Variants in RPA3 observed in about 807,000 individuals in gnomAD.
RPA3 encodes the protein replication protein A 14 kDa subunit.
A neutral mutation model predicts 13.7 loss-of-function variants in RPA3; 24 were observed. That is an observed-to-expected ratio of 1.75 (90% CI 1.27 to 2.46). The LOEUF is 2.46. Among genes scored for constraint, RPA3 ranks in the 30% most tolerant of loss-of-function variants. RPA3 has a pLI of 0.00. For synonymous variants in RPA3, 59 were observed against 51.2 expected, an observed-to-expected ratio of 1.15 and a Z score of -0.65; for missense variants, 183 against 151.0, an observed-to-expected ratio of 1.21 and a Z score of -1.11.
intron 5 of RPA3, 54 bp from the exon 6 acceptor site, chr7:7,639,198 T>C: frequency 3.0e-6 from 4 of 1,343,786 alleles, no homozygotes; most frequent in Non-Finnish European, 4.2e-6. Flanking sequence ...AAAGTTTGAC[T>C]AAAGATGAGT....
chr7:7,717,145 C>G (rs1780936075), intron 1 of RPA3, among the ~76,000 whole-genome samples: 1 of 151,050 alleles, frequency 6.6e-6, no homozygotes, highest in Non-Finnish European at 1.5e-5. Flanking sequence ...CAACCTCCGT[C>G]TCCCGGGTTC....
chr7:7,717,610 A>G (rs1288699977), intron 1 of RPA3, among the ~76,000 whole-genome samples: 1 of 152,236 alleles, frequency 6.6e-6, no homozygotes, highest in Admixed American at 6.5e-5. Context: ...TCTCAATCAC[A>G]TTGGCTAACA....
At chr7:7,714,854 T>C (rs2115174650) in intron 2 of RPA3, among the ~76,000 whole-genome samples, 2 of 129,454 alleles carry the variant, frequency 1.5e-5, no homozygotes, top group South Asian at 2.4e-4. Context: ...AAAATTTTTC[T>C]TTTTTTTTTT....
chr7:7,672,553 G>T (rs1437697479), intron 4 of RPA3, among the ~76,000 whole-genome samples: 1 of 152,166 alleles, frequency 6.6e-6, no homozygotes, highest in African/African-American at 2.4e-5. Context: ...GGCAGGACCA[G>T]GTGTAGATAA....
At chr7:7,684,721 A>G (rs943307722) in intron 4 of RPA3, among the ~76,000 whole-genome samples, 3 of 152,212 alleles carry the variant, frequency 2.0e-5, no homozygotes, top group African/African-American at 4.8e-5. Flanking sequence ...CCATAGTACA[A>G]CTATGAATTT....
Position 7,636,844 on chromosome 7 carries a change from C to G in RPA3, c.*156G>C. 1 of 629,010 alleles carries G rather than the reference C, an allele frequency of 1.6e-6. No homozygotes were observed. The highest frequency in any genetic ancestry group is 2.8e-6 in the Non-Finnish European group (1 of 354,940). 39.0% of individuals were successfully genotyped at this position (629,010 alleles called of 1,614,324 possible). ...ATAAAAGGACTTCGGTGAGAACTGT[C>G]AATATATCAGTTCCATCAAAAACTC... On this transcript the variant is annotated 3_prime_UTR_variant, in exon 8 of 8. Transcript: ENST00000223129.
intron 4 of RPA3, among the ~76,000 whole-genome samples, chr7:7,673,614 A>T (rs370529657): frequency 5.9e-5 from 9 of 152,218 alleles, no homozygotes; most frequent in African/African-American, 1.7e-4. Context: ...AAAGTCATCA[A>T]TTACTTGGAA....
chr7:7,665,921 T>C (rs79651949), intron 4 of RPA3, among the ~76,000 whole-genome samples: 3,999 of 152,118 alleles, frequency 0.026, 192 homozygotes, highest in African/African-American at 0.091. Context: ...TTTTTAAAAA[T>C]CCATTTACCT....
At chr7:7,664,994 GATATATAGAT>G (rs1294837012) in intron 4 of RPA3, among the ~76,000 whole-genome samples, 2 of 140,760 alleles carry the variant, frequency 1.4e-5, no homozygotes, top group African/African-American at 5.2e-5. Context: ...GTGTGTGGGT[GATATATAGAT>G]ATATATATAT....
At chr7:7,712,913 C>T (rs1454434526) in intron 2 of RPA3, among the ~76,000 whole-genome samples, 1 of 152,034 alleles carries the variant, frequency 6.6e-6, no homozygotes, top group Non-Finnish European at 1.5e-5. Context: ...TAGAATTCAC[C>T]TGTAAAAATT....
At chr7:7,679,735 C>G (rs1024722341) in intron 4 of RPA3, among the ~76,000 whole-genome samples, 2 of 142,980 alleles carry the variant, frequency 1.4e-5, no homozygotes, top group Non-Finnish European at 1.5e-5. Flanking sequence ...TATATATACA[C>G]ACACACATAT....
At chr7:7,645,441 T>C (rs955438740) in intron 4 of RPA3, among the ~76,000 whole-genome samples, 20 of 152,204 alleles carry the variant, frequency 1.3e-4, no homozygotes, top group African/African-American at 4.8e-4. Context: ...ACATTCAATA[T>C]CTAGTTCCAT....
chr7:7,717,524 G>T (rs1348290129), intron 1 of RPA3, among the ~76,000 whole-genome samples: 1 of 152,160 alleles, frequency 6.6e-6, no homozygotes, highest in Non-Finnish European at 1.5e-5. Flanking sequence ...TTGTTTTGAA[G>T]TAAAATGTTT....
At chr7:7,678,138 T>C (rs949369182) in intron 4 of RPA3, among the ~76,000 whole-genome samples, 3 of 21,540 alleles carry the variant, frequency 1.4e-4, no homozygotes, top group Non-Finnish European at 2.4e-4. Context: ...GTAGTTCTGT[T>C]TTTAGTTTTT....
chr7:7,672,004 A>C (rs1052188521), intron 4 of RPA3, among the ~76,000 whole-genome samples: 10 of 152,188 alleles, frequency 6.6e-5, no homozygotes, highest in South Asian at 6.2e-4. Flanking sequence ...CCATTCACTT[A>C]TGTTGGGGTT....
intron 2 of RPA3, among the ~76,000 whole-genome samples, chr7:7,699,165 A>T (rs1469062374): frequency 1.3e-5 from 2 of 151,960 alleles, no homozygotes; most frequent in Non-Finnish European, 2.9e-5. Flanking sequence ...GGTTCCCCCA[A>T]CTCTCAAGGG....
chr7:7,692,837 G>T (rs2115139462), intron 2 of RPA3, among the ~76,000 whole-genome samples: 1 of 152,248 alleles, frequency 6.6e-6, no homozygotes, highest in Non-Finnish European at 1.5e-5. Flanking sequence ...TTGATCTCTT[G>T]ACCTCGTGAT....
At chr7:7,639,028 T>C (rs749736021) in intron 6 of RPA3, 42 bp downstream of exon 6, 1 of 1,405,028 alleles carries the variant, frequency 7.1e-7, no homozygotes, top group Non-Finnish European at 9.6e-7. Context: ...AGATGAAGAA[T>C]TAACTATAAT....
intron 4 of RPA3, among the ~76,000 whole-genome samples, chr7:7,650,239 T>C (rs1785193727): frequency 6.6e-6 from 1 of 152,238 alleles, no homozygotes; most frequent in South Asian, 2.1e-4. Flanking sequence ...TTATTATTGC[T>C]TTATGCAGTT....
Sources: gnomAD v4.1 joint callset for allele counts (sites outside exome capture counted in the v4.1 genomes callset) on GRCh38, gnomAD v4.1.1 for gene constraint, MANE v1.5 for transcripts, NCBI Gene and HGNC (gene_info 2026-07-23, HGNC 2026-07-21) for gene names.